The following KCNH8 variants were observed in gnomAD, a reference collection of about 807,000 sequenced individuals.
KCNH8 encodes potassium voltage-gated channel subfamily H member 8.
In KCNH8, 70 loss-of-function variants were observed where a neutral mutation model predicts 103.6. The observed-to-expected ratio is 0.68, with a 90% CI of 0.56 to 0.82. KCNH8 has a LOEUF of 0.82. Among genes scored for constraint, KCNH8 ranks in the 40% least tolerant of loss-of-function variants. The pLI is 0.00. For synonymous variants in KCNH8, 498 were observed against 489.4 expected (o/e 1.02, Z -0.23); for missense variants, 1,217 against 1,329.9 (o/e 0.92, Z 1.32).
At chr3:19,300,569 A>T (rs2065052567) in intron 3 of KCNH8, among the ~76,000 whole-genome samples, 1 of 152,100 alleles carries the variant, frequency 6.6e-6, no homozygotes, top group Non-Finnish European at 1.5e-5. Flanking sequence ...GCTTAAGGAA[A>T]CCTAGACCCC....
chr3:19,403,401 A>ATATATATATATATATATATAT (rs1559311343), intron 7 of KCNH8, among the ~76,000 whole-genome samples: 1 of 105,212 alleles, frequency 9.5e-6, no homozygotes. Flanking sequence ...TATATATATA[A>ATATATATATATATATATATAT]AATCCTTCTG....
intron 7 of KCNH8, among the ~76,000 whole-genome samples, chr3:19,433,556 A>G (rs932994444): frequency 6.6e-6 from 1 of 152,234 alleles, no homozygotes; most frequent in African/African-American, 2.4e-5. Context: ...TCTATGAAGG[A>G]TCACAGAGCT....
At chr3:19,205,123 A>G (rs547722793) in intron 1 of KCNH8, among the ~76,000 whole-genome samples, 1 of 151,894 alleles carries the variant, frequency 6.6e-6, no homozygotes, top group Admixed American at 6.6e-5. Context: ...TCAACTACCC[A>G]TCCACCTACC....
intron 1 of KCNH8, among the ~76,000 whole-genome samples, chr3:19,189,001 T>C (rs1235641068): frequency 1.3e-5 from 2 of 152,062 alleles, no homozygotes; most frequent in African/African-American, 2.4e-5. Flanking sequence ...TTTTGACTTA[T>C]AGCCGTAACC....
At chr3:19,473,862 G>A (rs777552900) in intron 11 of KCNH8, among the ~76,000 whole-genome samples, 14 of 151,902 alleles carry the variant, frequency 9.2e-5, no homozygotes, top group African/African-American at 1.5e-4. Flanking sequence ...ACATTTTTCC[G>A]TCAACCTGCA....
intron 14 of KCNH8, among the ~76,000 whole-genome samples, chr3:19,517,173 T>A (rs2068888926): frequency 6.6e-6 from 1 of 152,040 alleles, no homozygotes; most frequent in African/African-American, 2.4e-5. Flanking sequence ...AACTATATTT[T>A]CTTTATTGGT....
intron 1 of KCNH8, among the ~76,000 whole-genome samples, chr3:19,250,474 A>AAT (rs2064262725): frequency 6.6e-6 from 1 of 152,200 alleles, no homozygotes; most frequent in African/African-American, 2.4e-5. Flanking sequence ...AATATGGGAA[A>AAT]ATATATGCTA....
chr3:19,346,813 A>G (rs6768477), intron 4 of KCNH8: 41,623 of 394,540 alleles, frequency 0.11, 2,485 homozygotes, highest in East Asian at 0.19. Context: ...TACCTATCTT[A>G]TATTTCCCAT....
chr3:19,338,991 G>A (rs910274998), intron 3 of KCNH8, among the ~76,000 whole-genome samples: 6 of 152,000 alleles, frequency 3.9e-5, no homozygotes, highest in East Asian at 3.9e-4. Flanking sequence ...ATATATGTAC[G>A]TACTGATGTG....
intron 7 of KCNH8, among the ~76,000 whole-genome samples, chr3:19,414,694 C>T (rs932921660): frequency 6.6e-5 from 10 of 151,974 alleles, no homozygotes; most frequent in African/African-American, 2.2e-4. Context: ...ATTATGCTTA[C>T]ACTTATTGAT....
rs187635580 is a variant in KCNH8 at position 19,400,018 on chromosome 3, G to A, written c.1177+4707G>A. Among the ~76,000 whole-genome samples, 509 of 151,684 alleles carry A rather than the reference G, an allele frequency of 3.4e-3. 6 individuals carry two copies. Among genetic ancestry groups the A allele is most frequent in the Non-Finnish European group, 3.4e-3 (229 of 67,852 alleles). The stretch of plus-strand genomic sequence containing the variant: ...GTTTCTGTCTGTAGATCCTGTGCGG[G>A]AGTCCTAACTTCCCCTGCACCTCTG... On this transcript the variant is annotated intron_variant, in intron 7 of 15. Coordinates refer to ENST00000328405, the MANE Select transcript of KCNH8 (RefSeq NM_144633.3).
intron 3 of KCNH8, among the ~76,000 whole-genome samples, chr3:19,339,703 A>G (rs2065632262): frequency 6.6e-6 from 1 of 152,106 alleles, no homozygotes; most frequent in African/African-American, 2.4e-5. Flanking sequence ...GTATGTAGCA[A>G]AGGTGAATGC....
intron 1 of KCNH8, among the ~76,000 whole-genome samples, chr3:19,199,777 T>C (rs2063638632): frequency 6.6e-6 from 1 of 151,912 alleles, no homozygotes; most frequent in Admixed American, 6.6e-5. Context: ...AGAATTATAT[T>C]GATAAATGGC....
At chr3:19,220,173 G>C (rs1228652824) in intron 1 of KCNH8, among the ~76,000 whole-genome samples, 1 of 152,170 alleles carries the variant, frequency 6.6e-6, no homozygotes, top group Non-Finnish European at 1.5e-5. Flanking sequence ...AGGGCAAGCA[G>C]GTCTTGGCCA....
chr3:19,197,720 T>C (rs915361462), intron 1 of KCNH8, among the ~76,000 whole-genome samples: 7 of 152,046 alleles, frequency 4.6e-5, no homozygotes, highest in Non-Finnish European at 1.0e-4. Flanking sequence ...TGGATTGTTG[T>C]TGGAATTACA....
chr3:19,250,490 A>G (rs971275531), intron 1 of KCNH8, among the ~76,000 whole-genome samples: 5 of 152,222 alleles, frequency 3.3e-5, no homozygotes, highest in African/African-American at 1.2e-4. Context: ...TGCTAGACAA[A>G]TACTAACAAA....
In KCNH8 at chr3:19,470,371, A is replaced by G. The variant is rs1438303533; in HGVS notation, c.2040+13389A>G. Reference sequence around the variant, plus strand: ...GTTTCTTACTTTTCCTTTTCTCTGCATTTCCTCTTCATTCTTCTCTCCTTC... The same window carrying G: ...GTTTCTTACTTTTCCTTTTCTCTGCGTTTCCTCTTCATTCTTCTCTCCTTC... On this transcript the variant is annotated intron_variant, in intron 11 of 15. Transcript: ENST00000328405. Among the ~76,000 whole-genome samples the G allele has an allele frequency of 2.6e-5, 4 of 152,104 alleles. No individual in the cohort carries two copies. In the East Asian group the frequency reaches 5.8e-4, roughly 22 times the overall value.
intron 1 of KCNH8, among the ~76,000 whole-genome samples, chr3:19,216,449 C>G (rs969829921): frequency 6.6e-6 from 1 of 152,196 alleles, no homozygotes; most frequent in African/African-American, 2.4e-5. Context: ...CAGTTATTAT[C>G]AATATCTACT....
At chr3:19,219,522 C>T (rs1007175123) in intron 1 of KCNH8, among the ~76,000 whole-genome samples, 9 of 152,078 alleles carry the variant, frequency 5.9e-5, no homozygotes, top group Admixed American at 5.2e-4. Flanking sequence ...TTCTTTGTTG[C>T]TTTAGTTTGA....
Sources: allele counts gnomAD v4.1 joint callset (sites outside exome capture counted in the v4.1 genomes callset), GRCh38; gene constraint gnomAD v4.1.1; transcripts MANE v1.5; gene names NCBI Gene and HGNC (gene_info 2026-07-23, HGNC 2026-07-21).